Variants in IL2RA observed in about 807,000 individuals in gnomAD.
IL2RA encodes interleukin 2 receptor subunit alpha.
In IL2RA, 24 loss-of-function variants were observed where a neutral mutation model predicts 37.8. The ratio of observed to expected loss-of-function variants is 0.63; its 90% confidence interval spans 0.46 to 0.89. IL2RA has a LOEUF of 0.89. Among genes scored for constraint, IL2RA ranks in the 40% least tolerant of loss-of-function variants. The pLI, the probability that IL2RA is intolerant of heterozygous loss-of-function variation, is 0.00. For missense variants in IL2RA, 319 were observed against 348.6 expected (o/e 0.92, Z 0.68); for synonymous variants, 125 against 114.6 (o/e 1.09, Z -0.58).
In IL2RA at chr10:6,021,438, G is replaced by T; in HGVS notation, c.583+40C>A. The T allele has an allele frequency of 6.4e-7, 1 of 1,552,756 alleles. No homozygotes were observed. Among genetic ancestry groups the T allele is most frequent in the Non-Finnish European group, 8.9e-7 (1 of 1,125,644 alleles). ...ATTCCACTCTGGTCAGCCTGATGGA[G>T]CAAAGCAACATTGTGGACCCCAGAA... On this transcript the variant is annotated intron_variant, in intron 4 of 7. Coordinates refer to ENST00000379959, the MANE Select transcript of IL2RA (RefSeq NM_000417.3). This position sits in a 1 kb window ranked among gnomAD's most constrained non-coding sequence, Gnocchi z 4.9.
Position 6,056,693 on chromosome 10 carries a change from G to T in IL2RA, c.64+5395C>A, listed in dbSNP as rs2132904222. Among the ~76,000 whole-genome samples, 1 of 152,222 alleles carries T rather than the reference G, an allele frequency of 6.6e-6. No individual in the cohort carries two copies. The highest frequency in any genetic ancestry group is 2.1e-4 in the South Asian group (1 of 4,820). On this transcript the variant is annotated intron_variant, in intron 1 of 7. Transcript: ENST00000379959. This position sits in a 1 kb window ranked among gnomAD's most constrained non-coding sequence, Gnocchi z 5.0. ...CACTTGAACCCAGGAGCTGAAGGTT[G>T]CAGTGAGTTGAGATTGCACCACTGT...
intron 1 of IL2RA, among the ~76,000 whole-genome samples, chr10:6,037,008 G>A (rs1208452660): frequency 2.6e-5 from 4 of 152,162 alleles, no homozygotes; most frequent in Middle Eastern, 3.2e-3. Context: ...CGCACTTGGA[G>A]TATGAGAGTT....
At position 6,029,253 on chromosome 10, in the gene IL2RA, C is replaced by T. The variant is rs4749919; in HGVS notation, c.65-3228G>A. ...AATCTTGACTCACTGCAACCTCTGC[C>T]CCCCGGGTTCAAGCGATTCTCCTGC... On this transcript the variant is annotated intron_variant, in intron 1 of 7. Coordinates refer to ENST00000379959, the MANE Select transcript of IL2RA (RefSeq NM_000417.3). This position sits in a 1 kb window ranked among gnomAD's most constrained non-coding sequence, Gnocchi z 4.6. Among the ~76,000 whole-genome samples the T allele has an allele frequency of 0.35, 52,861 of 150,386 alleles. 10,032 individuals are homozygous for T. The highest frequency in any genetic ancestry group is 0.58 in the East Asian group (2,934 of 5,048).
rs1839310835 is a variant in IL2RA at position 6,018,172 on chromosome 10, C to A, written c.728-53G>T. The A allele has an allele frequency of 2.1e-6, 3 of 1,415,662 alleles. No homozygotes were observed. The East Asian group carries it at 6.9e-5, about 32-fold the overall frequency. The allele number at this position is 1,415,662 out of a possible 1,614,324, so 87.7% of individuals were successfully genotyped here. The stretch of plus-strand genomic sequence containing the variant: ...AAGGGCCCTGGGCTTGGCATGGGGG[C>A]AGCAGGAGCCAGGGCCACAGGGCAG... On this transcript the variant is annotated intron_variant, in intron 6 of 7. Transcript: ENST00000379959. The surrounding 1 kb of genome is among the most constrained non-coding windows in gnomAD (Gnocchi z 5.1).
intron 1 of IL2RA, among the ~76,000 whole-genome samples, chr10:6,031,524 A>T (rs12264061): frequency 8.5e-6 from 1 of 117,370 alleles, no homozygotes; most frequent in East Asian, 2.4e-4. Flanking sequence ...ATATATATGT[A>T]TATATATATC....
Position 6,029,204 on chromosome 10 carries a change from G to A in IL2RA, c.65-3179C>T, listed in dbSNP as rs955470641. Among the ~76,000 whole-genome samples the A allele has an allele frequency of 7.3e-5, 11 of 150,218 alleles. No individual in the cohort carries two copies. Among genetic ancestry groups the A allele is most frequent in the Non-Finnish European group, 1.6e-4 (11 of 67,728 alleles). On this transcript the variant is annotated intron_variant, in intron 1 of 7. Transcript: ENST00000379959. The surrounding 1 kb of genome is among the most constrained non-coding windows in gnomAD (Gnocchi z 4.6). ...TTTGAGACAGAGTTTCGCTCTTGTT[G>A]CCCAGGCTGGAGTGCAATGGTGCAA...
rs1220531789 is a variant in IL2RA at position 6,033,577 on chromosome 10, T to C, written c.65-7552A>G. Among the ~76,000 whole-genome samples the C allele has an allele frequency of 2.0e-5, 3 of 152,202 alleles. No homozygotes were observed. Among genetic ancestry groups the C allele is most frequent in the African/African-American group, 7.2e-5 (3 of 41,446 alleles). ...ATTGGGAGAACAGACAAGTAGCTTATGATATAGTCATACTATAGAAACCAT... is the reference window on the plus strand; with the variant it reads ...ATTGGGAGAACAGACAAGTAGCTTACGATATAGTCATACTATAGAAACCAT... On this transcript the variant is annotated intron_variant, in intron 1 of 7. Coordinates refer to ENST00000379959, the MANE Select transcript of IL2RA (RefSeq NM_000417.3). The surrounding 1 kb of genome is among the most constrained non-coding windows in gnomAD (Gnocchi z 4.3).
rs192135334 is a variant in IL2RA, at chr10:6,033,428, A to T, written c.65-7403T>A. On this transcript the variant is annotated intron_variant, in intron 1 of 7. Coordinates refer to ENST00000379959, the MANE Select transcript of IL2RA (RefSeq NM_000417.3). This position sits in a 1 kb window ranked among gnomAD's most constrained non-coding sequence, Gnocchi z 4.3. ...GTATTTATCTAAGAGGAATGAAGGGATGTGTCTACAGAAAGACTTTTATAA... is the reference window on the plus strand; with the variant it reads ...GTATTTATCTAAGAGGAATGAAGGGTTGTGTCTACAGAAAGACTTTTATAA... 5.3e-4 allele frequency among the ~76,000 whole-genome samples: 81 copies of T among 152,314 alleles called. No individual in the cohort carries two copies. Among genetic ancestry groups the T allele is most frequent in the Admixed American group, 1.0e-3 (16 of 15,302 alleles).
At chr10:6,061,034 A>C (rs937480816) in intron 1 of IL2RA, among the ~76,000 whole-genome samples, 1 of 152,218 alleles carries the variant, frequency 6.6e-6, no homozygotes, top group Non-Finnish European at 1.5e-5. Flanking sequence ...ATTATTAGAA[A>C]ATTCACACTC....
intron 1 of IL2RA, among the ~76,000 whole-genome samples, chr10:6,051,508 TA>T (rs1564552575): frequency 0.024 from 2,755 of 113,170 alleles, 92 homozygotes; most frequent in African/African-American, 0.074. Flanking sequence ...TATATATATA[TA>T]TATATATATT....
chr10:6,055,823 G>A (rs1372274291), intron 1 of IL2RA, among the ~76,000 whole-genome samples: 1 of 5,350 alleles, frequency 1.9e-4, no homozygotes, highest in African/African-American at 2.8e-4. Flanking sequence ...GCGGCTGGCC[G>A]GGCGGGGGGG....
At chr10:6,042,912 A>G (rs1361154575) in intron 1 of IL2RA, among the ~76,000 whole-genome samples, 2 of 152,216 alleles carry the variant, frequency 1.3e-5, no homozygotes, top group Middle Eastern at 3.2e-3. Context: ...TAAATTGCTG[A>G]TGAGGATTAT....
At position 6,012,540 on chromosome 10, in the gene IL2RA, G is replaced by C. The variant is rs1398630638; in HGVS notation, c.*332C>G. ...CTACTTTTCTTTATACTACATATAGGGTGGAGAGAGTTCCATACCATTCAT... is the reference window on the plus strand; with the variant it reads ...CTACTTTTCTTTATACTACATATAGCGTGGAGAGAGTTCCATACCATTCAT... On this transcript the variant is annotated 3_prime_UTR_variant, in exon 8 of 8. Transcript: ENST00000379959. This position sits in a 1 kb window ranked among gnomAD's most constrained non-coding sequence, Gnocchi z 4.8. 1.1e-5 allele frequency: 5 copies of C among 442,858 alleles called. No homozygotes were observed. Among genetic ancestry groups the C allele is most frequent in the Non-Finnish European group, 2.1e-5 (5 of 239,354 alleles). 27.4% of individuals were successfully genotyped at this position (442,858 alleles called of 1,614,324 possible).
Position 6,012,911 on chromosome 10 carries a change from C to A in IL2RA, c.795-15G>T, listed in dbSNP as rs1158010372. 4.3e-6 allele frequency: 7 copies of A among 1,613,838 alleles called. No individual in the cohort carries two copies. Among genetic ancestry groups the A allele is most frequent in the Non-Finnish European group, 5.1e-6 (6 of 1,179,718 alleles). On this transcript the variant is annotated splice_polypyrimidine_tract_variant and intron_variant, in intron 7 of 7. Transcript: ENST00000379959. This position sits in a 1 kb window ranked among gnomAD's most constrained non-coding sequence, Gnocchi z 4.8. ...TACTCTTCCTCCTGTAGTGGTGTAA[C>A]AAAGTCACGGTCATATGTGTAACAC...
intron 1 of IL2RA, among the ~76,000 whole-genome samples, chr10:6,053,646 CT>C (rs1839996933): frequency 6.6e-6 from 1 of 152,178 alleles, no homozygotes; most frequent in African/African-American, 2.4e-5. Context: ...CACAAACTTC[CT>C]TATTTAAAAT....
chr10:6,017,697 G>A (rs1306588920), intron 7 of IL2RA, among the ~76,000 whole-genome samples: 3 of 148,272 alleles, frequency 2.0e-5, no homozygotes, highest in South Asian at 2.2e-4. Context: ...TGCCTCAGCC[G>A]CCCAAGTAGC....
At position 6,029,932 on chromosome 10, in the gene IL2RA, T is replaced by C. The variant is rs1340418261; in HGVS notation, c.65-3907A>G. Among the ~76,000 whole-genome samples the C allele has an allele frequency of 6.6e-6, 1 of 152,208 alleles. No homozygotes were observed. Among genetic ancestry groups the C allele is most frequent in the African/African-American group, 2.4e-5 (1 of 41,448 alleles). ...GTTGACCAGGCTGGTCTCGAATTCC[T>C]GACCTCAGATGATCCACCTGCCTTG... is the stretch of plus-strand genomic sequence containing the variant. On this transcript the variant is annotated intron_variant, in intron 1 of 7. Coordinates refer to ENST00000379959, the MANE Select transcript of IL2RA (RefSeq NM_000417.3). The surrounding 1 kb of genome is among the most constrained non-coding windows in gnomAD (Gnocchi z 4.6).
chr10:6,046,255 CAG>C lies in IL2RA; in HGVS notation c.64+15831_64+15832del, dbSNP rs939086254. 7.2e-5 allele frequency among the ~76,000 whole-genome samples: 11 copies of C among 152,210 alleles called. No individual in the cohort carries two copies. Among genetic ancestry groups the C allele is most frequent in the Admixed American group, 3.9e-4 (6 of 15,286 alleles). On this transcript the variant is annotated intron_variant, in intron 1 of 7. Transcript: ENST00000379959. This position sits in a 1 kb window ranked among gnomAD's most constrained non-coding sequence, Gnocchi z 4.8. ...CAATGACAATCCAAATGTGGAAACA[CAG>C]GGAGAAAACCATGGGAAGTGGGGAG...
At chr10:6,060,484 C>T (rs921644672) in intron 1 of IL2RA, among the ~76,000 whole-genome samples, 9 of 152,186 alleles carry the variant, frequency 5.9e-5, no homozygotes, top group Admixed American at 6.5e-5. Flanking sequence ...AGGTCAGGCG[C>T]GATGGCTCAC....
Sources: gnomAD v4.1 joint callset for allele counts (sites outside exome capture counted in the v4.1 genomes callset) on GRCh38, gnomAD v4.1.1 for gene constraint, Gnocchi (gnomAD v3.1) non-coding constraint, MANE v1.5 for transcripts, NCBI Gene and HGNC (gene_info 2026-07-23, HGNC 2026-07-21) for gene names.